The following SLIT3 variants were observed in gnomAD, a reference collection of about 807,000 sequenced individuals.
SLIT3 encodes the protein slit guidance ligand 3.
A neutral mutation model predicts 184.0 loss-of-function variants in SLIT3; 68 were observed. The ratio of observed to expected loss-of-function variants is 0.37; its 90% CI spans 0.30 to 0.45. The LOEUF (loss-of-function observed/expected upper bound fraction) is 0.45. Ranked by LOEUF, SLIT3 falls within the 20% of genes least tolerant of loss-of-function variation. SLIT3 has a pLI of 1.00. For synonymous variants in SLIT3, 831 were observed against 828.6 expected, an observed-to-expected ratio of 1.00 and a Z score of -0.05; for missense variants, 1,707 against 2,026.0, an observed-to-expected ratio of 0.84 and a Z score of 3.02.
chr5:168,818,153 C>G lies in SLIT3; in HGVS notation c.630-690G>C, dbSNP rs77284211. Reference sequence around the variant, plus strand: ...TCCATAGCCATCTCTCCACAGTGCCCTTGCTTTCCTTCCTGTGTTCAATTC... The same window carrying G: ...TCCATAGCCATCTCTCCACAGTGCCGTTGCTTTCCTTCCTGTGTTCAATTC... On this transcript the variant is annotated intron_variant, in intron 7 of 35. Coordinates refer to ENST00000519560, the MANE Select transcript of SLIT3 (RefSeq NM_003062.4). Among the ~76,000 whole-genome samples the G allele has an allele frequency of 8.9e-4, 135 of 152,234 alleles. 1 individual carries two copies. The highest frequency in any genetic ancestry group is 3.0e-3 in the African/African-American group (124 of 41,502).
chr5:168,724,447 C>T lies in SLIT3; in HGVS notation c.2308G>A (p.Glu770Lys). The T allele has an allele frequency of 2.5e-6, 4 of 1,613,284 alleles. No homozygotes were observed. The highest frequency in any genetic ancestry group is 2.5e-6 in the Non-Finnish European group (3 of 1,179,518). The part of the protein sequence containing the change: ...EGNHLTAVPR[E>K]LSALRHLTLI... The stretch of plus-strand genomic sequence containing the variant: ...GTCAGGTGTCGGAGGGCGGACAGCT[C>T]TCTGGGCACGGCTGTTAGGTGGTTT... Residue 770 changes from glutamate (E) to lysine (K), a missense_variant, in exon 21 of 36, where the codon GAG (glutamate) becomes AAG (lysine). Transcript: ENST00000519560.
chr5:169,241,530 G>A (rs1207683913), intron 3 of SLIT3, among the ~76,000 whole-genome samples: 1 of 152,124 alleles, frequency 6.6e-6, no homozygotes, highest in Non-Finnish European at 1.5e-5. Flanking sequence ...AATCAAAAAT[G>A]TATCTAAACA....
At chr5:168,851,472 A>T (rs1029798550) in intron 5 of SLIT3, among the ~76,000 whole-genome samples, 8 of 152,286 alleles carry the variant, frequency 5.3e-5, no homozygotes, top group African/African-American at 1.9e-4. Context: ...AATCAAACGA[A>T]AACACCTCAT....
intron 6 of SLIT3, 138 bp downstream of exon 6, chr5:168,844,446 G>A: frequency 1.4e-6 from 1 of 710,882 alleles, no homozygotes; most frequent in Non-Finnish European, 2.3e-6. Flanking sequence ...AATTTTAATA[G>A]CACTGCAGCA....
chr5:169,068,334 T>A (rs1332746424), intron 4 of SLIT3, among the ~76,000 whole-genome samples: 3 of 152,240 alleles, frequency 2.0e-5, no homozygotes, highest in Admixed American at 2.0e-4. Flanking sequence ...AAGAGCAGTC[T>A]GTTGGTAAAT....
chr5:169,004,055 A>G (rs1215620497), intron 4 of SLIT3, among the ~76,000 whole-genome samples: 2 of 152,140 alleles, frequency 1.3e-5, no homozygotes, highest in Non-Finnish European at 1.5e-5. Context: ...TACTCTGCGC[A>G]TGAAGGCCCT....
chr5:168,872,385 G>A (rs192592273), intron 5 of SLIT3, among the ~76,000 whole-genome samples: 106 of 152,210 alleles, frequency 7.0e-4, no homozygotes, highest in Middle Eastern at 3.4e-3. Context: ...GAACTCTAAT[G>A]TAAACTAGGG....
At chr5:169,048,920 G>A (rs1757721122) in intron 4 of SLIT3, among the ~76,000 whole-genome samples, 2 of 152,160 alleles carry the variant, frequency 1.3e-5, no homozygotes, top group Admixed American at 1.3e-4. Flanking sequence ...GCTAAGCAAT[G>A]ACCAGGCCAG....
At chr5:169,236,072 A>C (rs1386001739) in intron 3 of SLIT3, among the ~76,000 whole-genome samples, 2 of 152,240 alleles carry the variant, frequency 1.3e-5, no homozygotes, top group Non-Finnish European at 2.9e-5. Context: ...CAAATTAGTT[A>C]GAATTTTTCT....
At chr5:168,678,397 G>A (rs965277900) in intron 32 of SLIT3, among the ~76,000 whole-genome samples, 2 of 152,156 alleles carry the variant, frequency 1.3e-5, no homozygotes, top group African/African-American at 4.8e-5. Flanking sequence ...AGCACTTTGG[G>A]ATTACATCCT....
chr5:168,883,210 G>A (rs1048842915), intron 5 of SLIT3, 55 bp downstream of exon 5: 2 of 1,446,186 alleles, frequency 1.4e-6, no homozygotes, highest in African/African-American at 2.8e-5. Flanking sequence ...CCTCACTCTG[G>A]TCAGAGAGCC....
intron 1 of SLIT3, among the ~76,000 whole-genome samples, chr5:169,269,196 G>T (rs936439413): frequency 2.0e-5 from 3 of 152,212 alleles, no homozygotes; most frequent in African/African-American, 7.2e-5. Flanking sequence ...CATGTCTCCA[G>T]GACCCAGGGA....
chr5:168,787,504 CA>C lies in SLIT3; in HGVS notation c.1080-1527del, dbSNP rs1216844860. 5.3e-5 allele frequency among the ~76,000 whole-genome samples: 8 copies of C among 152,356 alleles called. No homozygotes were observed. The East Asian group carries it at 1.5e-3, about 29-fold the overall frequency. On this transcript the variant is annotated intron_variant, in intron 11 of 35. Transcript: ENST00000519560. ...CTTGCCTTTCAGGTCTGAGCTCAAA[CA>C]TCTCTTCCTTGGGAGGTGTCTCTTT...
At chr5:168,989,249 C>A (rs1316808626) in intron 4 of SLIT3, among the ~76,000 whole-genome samples, 1 of 152,152 alleles carries the variant, frequency 6.6e-6, no homozygotes, top group Non-Finnish European at 1.5e-5. Context: ...TCCCACAAAA[C>A]AAAATTCTTA....
chr5:168,689,596 A>G (rs76239343), intron 29 of SLIT3, among the ~76,000 whole-genome samples: 4,129 of 152,352 alleles, frequency 0.027, 212 homozygotes, highest in African/African-American at 0.095. Flanking sequence ...ACAAAGAATA[A>G]GTTAGCAGTA....
intron 7 of SLIT3, among the ~76,000 whole-genome samples, chr5:168,817,743 C>T (rs999373069): frequency 2.6e-5 from 4 of 152,186 alleles, no homozygotes; most frequent in African/African-American, 9.7e-5. Context: ...AGCCTCAGCA[C>T]ATGAGAAAAG....
At chr5:169,088,263 T>A (rs1329809521) in intron 4 of SLIT3, among the ~76,000 whole-genome samples, 4 of 152,134 alleles carry the variant, frequency 2.6e-5, no homozygotes, top group Non-Finnish European at 4.4e-5. Flanking sequence ...CCTAAGTTGG[T>A]CTCATCTTAG....
chr5:168,672,775 A>G (rs1189766331), intron 33 of SLIT3, among the ~76,000 whole-genome samples: 2 of 152,138 alleles, frequency 1.3e-5, no homozygotes, highest in African/African-American at 4.8e-5. Context: ...CACCTGGCCT[A>G]CTTCCATTTT....
intron 4 of SLIT3, among the ~76,000 whole-genome samples, chr5:169,142,442 C>G (rs1761779444): frequency 6.6e-6 from 1 of 152,160 alleles, no homozygotes; most frequent in South Asian, 2.1e-4. Context: ...TTCCTTCAGG[C>G]CCACAAATCA....
Sources: gnomAD v4.1 joint callset for allele counts (sites outside exome capture counted in the v4.1 genomes callset) on GRCh38, gnomAD v4.1.1 for gene constraint, MANE v1.5 for transcripts, NCBI Gene and HGNC (gene_info 2026-07-23, HGNC 2026-07-21) for gene names.